NBEA: variants seen among roughly 807,000 people sequenced by gnomAD.
NBEA encodes neurobeachin, also known as lysosomal-trafficking regulator 2.
NBEA carries 44 observed loss-of-function variants against 343.4 expected under a neutral mutation model. The observed-to-expected ratio is 0.13, with a 90% CI of 0.10 to 0.16. The LOEUF is 0.16. Ranked by LOEUF, NBEA falls within the 10% of genes least tolerant of loss-of-function variation. NBEA has a pLI of 1.00. For missense variants in NBEA, 2,555 were observed against 3,631.3 expected (o/e 0.70, Z 7.62); for synonymous variants, 1,175 against 1,238.7 (o/e 0.95, Z 1.08).
At chr13:35,418,420 A>G (rs961560098) in intron 38 of NBEA, among the ~76,000 whole-genome samples, 3 of 152,072 alleles carry the variant, frequency 2.0e-5, no homozygotes, top group Non-Finnish European at 4.4e-5. Context: ...AGAAGAAACT[A>G]TGTGCTTGTA....
chr13:35,461,757 A>G (rs1308447172), intron 40 of NBEA, among the ~76,000 whole-genome samples: 1 of 152,228 alleles, frequency 6.6e-6, no homozygotes, highest in African/African-American at 2.4e-5. Flanking sequence ...AGATTTTGCC[A>G]CTACAGTTAG....
chr13:35,400,056 A>G (rs926565251), intron 38 of NBEA, among the ~76,000 whole-genome samples: 1 of 152,120 alleles, frequency 6.6e-6, no homozygotes, highest in African/African-American at 2.4e-5. Context: ...ACAAATAACC[A>G]TAACATATAA....
At chr13:35,041,378 T>C (rs1050571714) in intron 2 of NBEA, among the ~76,000 whole-genome samples, 9 of 152,072 alleles carry the variant, frequency 5.9e-5, no homozygotes, top group African/African-American at 1.9e-4. Flanking sequence ...TAATTACTAA[T>C]GTTGTTTTCT....
intron 38 of NBEA, among the ~76,000 whole-genome samples, chr13:35,380,299 G>T (rs1232467915): frequency 6.6e-6 from 1 of 151,974 alleles, no homozygotes; most frequent in Non-Finnish European, 1.5e-5. Context: ...ACAAAAATTA[G>T]CCTGGTGTGA....
At chr13:35,135,914 TC>T (rs1304289831) in intron 17 of NBEA, among the ~76,000 whole-genome samples, 1 of 143,512 alleles carries the variant, frequency 7.0e-6, no homozygotes, top group Non-Finnish European at 1.5e-5. Flanking sequence ...CCCAGCCCCC[TC>T]CCCCCTCAAA....
intron 17 of NBEA, among the ~76,000 whole-genome samples, chr13:35,138,136 T>A (rs1181306825): frequency 1.8e-4 from 27 of 152,158 alleles, no homozygotes; most frequent in Admixed American, 1.8e-3. Flanking sequence ...TGATCAGCAA[T>A]TCTTGTCAAT....
Position 35,316,869 on chromosome 13 carries a change from GT to G in NBEA, c.5903+7285del, listed in dbSNP as rs554404470. Among the ~76,000 whole-genome samples the G allele has an allele frequency of 2.2e-4, 34 of 152,152 alleles. No homozygotes were observed. The East Asian group carries it at 4.0e-3, about 18-fold the overall frequency. The stretch of plus-strand genomic sequence containing the variant: ...TTTCTCTAATGACGAGGGATGATGA[GT>G]TTTTTTTCATATACTTGTTGACCAC... On this transcript the variant is annotated intron_variant, in intron 36 of 58. Coordinates refer to ENST00000379939, the MANE Select transcript of NBEA (RefSeq NM_001385012.1).
intron 38 of NBEA, among the ~76,000 whole-genome samples, chr13:35,410,675 C>A (rs1350496758): frequency 6.6e-6 from 1 of 152,068 alleles, no homozygotes; most frequent in Non-Finnish European, 1.5e-5. Flanking sequence ...AACTGAGGGT[C>A]TTGGAATTTA....
intron 41 of NBEA, among the ~76,000 whole-genome samples, chr13:35,542,864 CTCT>C (rs771050810): frequency 6.6e-6 from 1 of 151,920 alleles, no homozygotes; most frequent in Non-Finnish European, 1.5e-5. Context: ...TACAAATAAG[CTCT>C]TTTTTCAAAT....
chr13:35,059,951 T>A (rs1346955238), intron 8 of NBEA, among the ~76,000 whole-genome samples: 1 of 151,880 alleles, frequency 6.6e-6, no homozygotes, highest in Non-Finnish European at 1.5e-5. Context: ...GCTCTAGAAA[T>A]GAACTTGTGC....
intron 48 of NBEA, among the ~76,000 whole-genome samples, chr13:35,626,111 G>C (rs2083218509): frequency 6.6e-6 from 1 of 152,152 alleles, no homozygotes; most frequent in South Asian, 2.1e-4. Context: ...AGTGACACAG[G>C]TAGATTTTTA....
At position 34,959,593 on chromosome 13, in the gene NBEA, G is replaced by A. The variant is rs570022401; in HGVS notation, c.294+16479G>A. Among the ~76,000 whole-genome samples the A allele has an allele frequency of 4.6e-5, 7 of 152,218 alleles. No individual in the cohort carries two copies. The South Asian group carries it at 1.4e-3, about 32-fold the overall frequency. The stretch of plus-strand genomic sequence containing the variant: ...CATACTTATTTTAGGAGTCTGTTGA[G>A]TAGCTGTGAAGAAGCATTTTTTCTT... On this transcript the variant is annotated intron_variant, in intron 1 of 58. Transcript: ENST00000379939.
intron 34 of NBEA, among the ~76,000 whole-genome samples, chr13:35,253,672 G>A (rs1032215913): frequency 1.3e-5 from 2 of 152,180 alleles, no homozygotes; most frequent in African/African-American, 2.4e-5. Context: ...AATACAGGCA[G>A]GCCATTCTTT....
chr13:35,381,846 G>C (rs1044885199), intron 38 of NBEA, among the ~76,000 whole-genome samples: 1 of 152,022 alleles, frequency 6.6e-6, no homozygotes, highest in Admixed American at 6.5e-5. Flanking sequence ...CACCAAACCA[G>C]TTTATGTGAC....
At chr13:34,946,539 T>A (rs1407370708) in intron 1 of NBEA, among the ~76,000 whole-genome samples, 1 of 152,068 alleles carries the variant, frequency 6.6e-6, no homozygotes. Context: ...AGTATAATTC[T>A]ATGATTATAA....
chr13:35,609,688 TATG>T (rs1171230715), intron 48 of NBEA, among the ~76,000 whole-genome samples: 1 of 152,146 alleles, frequency 6.6e-6, no homozygotes, highest in African/African-American at 2.4e-5. Context: ...GGAGAGAGAG[TATG>T]ATGTCTCCTT....
At chr13:35,198,000 A>G (rs1175343689) in intron 31 of NBEA, among the ~76,000 whole-genome samples, 2 of 152,174 alleles carry the variant, frequency 1.3e-5, no homozygotes, top group Non-Finnish European at 2.9e-5. Context: ...AATAATTGCT[A>G]TAATAGATAA....
intron 8 of NBEA, 107 bp downstream of exon 8, chr13:35,058,970 T>C (rs2063365024): frequency 2.1e-6 from 2 of 964,702 alleles, no homozygotes; most frequent in Non-Finnish European, 1.4e-6. Context: ...GAGTCATTTC[T>C]ATTTTTTGGA....
At chr13:35,664,121 G>A (rs1303450729) in intron 55 of NBEA, among the ~76,000 whole-genome samples, 2 of 152,204 alleles carry the variant, frequency 1.3e-5, no homozygotes, top group Non-Finnish European at 2.9e-5. Context: ...ACTGTGGGCA[G>A]AGAACTGGAG....
Sources: allele counts gnomAD v4.1 joint callset (sites outside exome capture counted in the v4.1 genomes callset), GRCh38; gene constraint gnomAD v4.1.1; transcripts MANE v1.5; gene names NCBI Gene and HGNC (gene_info 2026-07-23, HGNC 2026-07-21).